AP2A1: variants seen among roughly 807,000 people sequenced by gnomAD.
AP2A1 encodes adaptor related protein complex 2 subunit alpha 1, also known as AP-2 complex subunit alpha-1.
Under a neutral mutation model 107.3 loss-of-function variants are expected in AP2A1, and 21 were observed. The ratio of observed to expected loss-of-function variants is 0.20; its 90% CI spans 0.14 to 0.28. AP2A1 has a LOEUF of 0.28. Among genes scored for constraint, AP2A1 ranks in the 10% least tolerant of loss-of-function variants. The probability of loss-of-function intolerance (pLI) is 1.00; values close to 1 mark genes in which losing one functional copy is unlikely to be tolerated. For missense variants in AP2A1, 873 were observed against 1,307.7 expected (o/e 0.67, Z 5.13); for synonymous variants, 602 against 564.8 (o/e 1.07, Z -0.93).
In AP2A1 at chr19:49,801,971, C is replaced by T. The variant is rs1418569135; in HGVS notation, c.1954-10C>T. The T allele has an allele frequency of 2.0e-6, 3 of 1,487,968 alleles. No individual in the cohort carries two copies. The allele number at this position is 1,487,968 out of a possible 1,614,324, so 92.2% of individuals were successfully genotyped here. On this transcript the variant is annotated splice_polypyrimidine_tract_variant and intron_variant, in intron 14 of 22. Coordinates refer to ENST00000354293, the MANE Select transcript of AP2A1 (RefSeq NM_130787.3). ...CCGCCTGTCCTCACCGTGACCTGCG[C>T]TTCCTACAGTCGACGCCCTCGCCCT...
intron 6 of AP2A1, 100 bp downstream of exon 6, chr19:49,793,192 C>T (rs2073168736): frequency 1.8e-6 from 2 of 1,129,184 alleles, no homozygotes; most frequent in Non-Finnish European, 2.5e-6. Context: ...GCAGCCCAGC[C>T]CAAGGTTTAC....
intron 1 of AP2A1, among the ~76,000 whole-genome samples, chr19:49,774,750 G>A (rs995924876): frequency 2.7e-5 from 4 of 150,618 alleles, no homozygotes; most frequent in African/African-American, 9.8e-5. Context: ...GTGAAACTCC[G>A]TCTCTACTAA....
chr19:49,801,615 C>T lies in AP2A1; in HGVS notation c.1779C>T (p.Asp593=). Residue 593 remains aspartate (D), a synonymous_variant, in exon 13 of 23, where the codon GAC becomes GAT. Coordinates refer to ENST00000354293, the MANE Select transcript of AP2A1 (RefSeq NM_130787.3). ...YLTLSSVAST[D]VLATVLEEMP... is the part of the protein sequence containing the mutation. Reference sequence around the variant, plus strand: ...CCCTCAGCTCAGTGGCCAGCACCGACGTCCTGGTCAGAGCCCTGTCCCCCC... The same window carrying T: ...CCCTCAGCTCAGTGGCCAGCACCGATGTCCTGGTCAGAGCCCTGTCCCCCC... 1 of 1,610,808 alleles carries T rather than the reference C, an allele frequency of 6.2e-7. No individual in the cohort carries two copies. Among genetic ancestry groups the T allele is most frequent in the Non-Finnish European group, 8.5e-7 (1 of 1,178,642 alleles).
At chr19:49,769,940 C>G (rs2084540511) in intron 1 of AP2A1, among the ~76,000 whole-genome samples, 1 of 152,100 alleles carries the variant, frequency 6.6e-6, no homozygotes, top group African/African-American at 2.4e-5. Context: ...ACGATCATAC[C>G]TCACTGCAAC....
At chr19:49,778,859 A>T (rs1364559540) in intron 1 of AP2A1, among the ~76,000 whole-genome samples, 1 of 150,990 alleles carries the variant, frequency 6.6e-6, no homozygotes, top group African/African-American at 2.4e-5. Flanking sequence ...TATATACTAT[A>T]TTTATGGTAT....
At chr19:49,792,251 C>T (rs546622160) in intron 5 of AP2A1, among the ~76,000 whole-genome samples, 187 bp downstream of exon 5, 74 of 146,134 alleles carry the variant, frequency 5.1e-4, no homozygotes, top group African/African-American at 1.9e-3. Context: ...ATACCCAGGG[C>T]TCCCACCTCA....
At chr19:49,800,580 T>G (rs2073266517) in intron 11 of AP2A1, 1 of 258,002 alleles carries the variant, frequency 3.9e-6, no homozygotes, top group East Asian at 1.1e-4. Flanking sequence ...GCCATTCTCC[T>G]GCCTCAGCCT....
chr19:49,791,881 G>T (rs986966775), intron 4 of AP2A1, 54 bp from the exon 5 acceptor site: 3 of 1,542,754 alleles, frequency 1.9e-6, no homozygotes, highest in Non-Finnish European at 2.6e-6. Flanking sequence ...GGGGAGGTGT[G>T]CAGGGCTGGG....
At chr19:49,806,329 C>T (rs2073382457) in intron 22 of AP2A1, 76 bp downstream of exon 22, 4 of 1,473,162 alleles carry the variant, frequency 2.7e-6, no homozygotes, top group Non-Finnish European at 3.6e-6. Flanking sequence ...TCCTGCCTCA[C>T]TGTTCTTTAA....
chr19:49,798,657 TG>T, intron 7 of AP2A1, 144 bp from the exon 8 acceptor site: 1 of 1,088,052 alleles, frequency 9.2e-7, no homozygotes, highest in Non-Finnish European at 1.3e-6. Flanking sequence ...GCAGAGACCC[TG>T]GCCCTGAGCT....
At chr19:49,779,874 G>A (rs1259085983) in intron 1 of AP2A1, among the ~76,000 whole-genome samples, 2 of 152,214 alleles carry the variant, frequency 1.3e-5, no homozygotes, top group Non-Finnish European at 2.9e-5. Flanking sequence ...ATGGTGCAGC[G>A]CTAGGGTCCT....
At position 49,801,797 on chromosome 19, in the gene AP2A1, G is replaced by A; in HGVS notation, c.1861G>A (p.Gly621Arg). 1 of 1,560,690 alleles carries A rather than the reference G, an allele frequency of 6.4e-7. No homozygotes were observed. The highest frequency in any genetic ancestry group is 1.2e-5 in the South Asian group (1 of 83,800). The change falls in exon 14 of 23, where the codon GGG becomes AGG. Residue 621 changes from glycine (G) to arginine (R), a missense_variant. Coordinates refer to ENST00000354293, the MANE Select transcript of AP2A1 (RefSeq NM_130787.3). ...CCTGGCCAAGCTGAAACGCAAGAAG[G>A]GGCCAGGGGCCGGCAGCGCCCTGGA... ...SILAKLKRKK[G>R]PGAGSALDDG...
chr19:49,792,708 C>T (rs1404857861), intron 5 of AP2A1, among the ~76,000 whole-genome samples: 1 of 152,174 alleles, frequency 6.6e-6, no homozygotes, highest in Admixed American at 6.5e-5. Flanking sequence ...CCCACCCCCA[C>T]AGTCCCAACC....
rs148056102 is a variant in AP2A1, at chr19:49,803,724, A to G, written c.2344+348A>G. Reference sequence around the variant, plus strand: ...ACTCAGGAGCCAGGCCTGCGGGTCCAGACGCTGATCAGGCCTGATCTGGGC... The same window carrying G: ...ACTCAGGAGCCAGGCCTGCGGGTCCGGACGCTGATCAGGCCTGATCTGGGC... On this transcript the variant is annotated intron_variant, in intron 18 of 22. Transcript: ENST00000354293. The G allele has an allele frequency of 1.9e-3, 724 of 380,866 alleles. 6 individuals carry two copies. Among genetic ancestry groups the G allele is most frequent in the Non-Finnish European group, 3.0e-3 (588 of 199,320 alleles). 23.6% of individuals were successfully genotyped at this position (380,866 alleles called of 1,614,324 possible).
intron 4 of AP2A1, among the ~76,000 whole-genome samples, chr19:49,783,877 C>A (rs1276463008): frequency 6.6e-6 from 1 of 152,160 alleles, no homozygotes; most frequent in African/African-American, 2.4e-5. Flanking sequence ...ACGGAGCAGC[C>A]CTCAGACTGG....
At chr19:49,791,861 C>T (rs1276782037) in intron 4 of AP2A1, 74 bp from the exon 5 acceptor site, 2 of 1,513,944 alleles carry the variant, frequency 1.3e-6, no homozygotes, top group Non-Finnish European at 1.8e-6. Flanking sequence ...CTGGGAGGAA[C>T]AGGAGAGGAG....
At position 49,807,020 on chromosome 19, in the gene AP2A1, T is replaced by TGGG; in HGVS notation, c.*262_*263insGGG. Reference sequence around the variant, plus strand: ...AGGGGCCAGGGAAGTGGATGTCTCCTCCCCTCCCACCCCACCCTGTTGTAG... The same window carrying TGGG: ...AGGGGCCAGGGAAGTGGATGTCTCCTGGGCCCCTCCCACCCCACCCTGTTGTAG... On this transcript the variant is annotated 3_prime_UTR_variant, in exon 23 of 23. Transcript: ENST00000354293. 3 of 1,338,554 alleles carry TGGG rather than the reference T, an allele frequency of 2.2e-6. No homozygotes were observed. The highest frequency in any genetic ancestry group is 3.0e-6 in the Non-Finnish European group (3 of 996,922). 82.9% of individuals were successfully genotyped at this position (1,338,554 alleles called of 1,614,324 possible).
chr19:49,801,981 T>TCGACGC lies in AP2A1; in HGVS notation c.1956_1961dup (p.Thr653_Pro654dup). The TCGACGC allele has an allele frequency of 6.7e-7, 1 of 1,502,604 alleles. No homozygotes were observed. The highest frequency in any genetic ancestry group is 8.8e-7 in the Non-Finnish European group (1 of 1,130,522). The allele number at this position is 1,502,604 out of a possible 1,614,324, so 93.1% of individuals were successfully genotyped here. On this transcript the variant is annotated inframe_insertion and splice_region_variant, in exon 15 of 23. Transcript: ENST00000354293. ...TCACCGTGACCTGCGCTTCCTACAG[T>TCGACGC]CGACGCCCTCGCCCTCCGCCGACCT...
chr19:49,779,508 AAAACAG>A (rs2084652503), intron 1 of AP2A1, among the ~76,000 whole-genome samples: 2 of 151,366 alleles, frequency 1.3e-5, no homozygotes, highest in South Asian at 4.2e-4. Context: ...AAAAAAAAAA[AAAACAG>A]AAACAGGCAA....
Sources: allele counts gnomAD v4.1 joint callset (sites outside exome capture counted in the v4.1 genomes callset), GRCh38; gene constraint gnomAD v4.1.1; transcripts MANE v1.5; gene names NCBI Gene and HGNC (gene_info 2026-07-23, HGNC 2026-07-21).